Variants in GPSM1 observed in about 807,000 individuals in gnomAD.
GPSM1 encodes the protein G protein-signaling modulator 1.
In GPSM1, 48 loss-of-function variants were observed where a neutral mutation model predicts 70.5. That is an observed-to-expected ratio of 0.68 (90% CI 0.54 to 0.87). GPSM1 has a LOEUF of 0.87. GPSM1 is among the 40% of genes least tolerant of loss of function. The pLI is 0.00. For synonymous variants in GPSM1, 416 were observed against 430.1 expected, an observed-to-expected ratio of 0.97 and a Z score of 0.41; for missense variants, 981 against 972.6, an observed-to-expected ratio of 1.01 and a Z score of -0.11.
At chr9:136,335,097 G>A (rs914626144) in intron 2 of GPSM1, among the ~76,000 whole-genome samples, 3 of 152,178 alleles carry the variant, frequency 2.0e-5, no homozygotes, top group Admixed American at 6.5e-5. Flanking sequence ...TGTGACCCGC[G>A]TGCTGTGCGT....
chr9:136,338,006 G>T (rs782291012), intron 6 of GPSM1, 45 bp downstream of exon 6: 12 of 1,293,742 alleles, frequency 9.3e-6, no homozygotes, highest in South Asian at 3.9e-5. Context: ...AGGCCGGGGG[G>T]GCTGGATGCC....
At position 136,341,114 on chromosome 9, in the gene GPSM1, C is replaced by T. The variant is rs1028680290; in HGVS notation, c.1207+121C>T. 37 of 1,549,926 alleles carry T rather than the reference C, an allele frequency of 2.4e-5. No homozygotes were observed. The highest frequency in any genetic ancestry group is 7.3e-5 in the East Asian group (3 of 40,932). ...GGAGGTGGCAGCCGCCAGAAAATGG[C>T]GCCTACAAGCCAGTTCTTCTTGGCC... On this transcript the variant is annotated intron_variant, in intron 9 of 13. Coordinates refer to ENST00000440944, the MANE Select transcript of GPSM1 (RefSeq NM_001145638.3). The surrounding 1 kb of genome is among the most constrained non-coding windows in gnomAD (Gnocchi z 6.7).
intron 1 of GPSM1, among the ~76,000 whole-genome samples, chr9:136,329,723 AAC>A (rs1489988052): frequency 3.3e-5 from 5 of 152,158 alleles, no homozygotes; most frequent in Non-Finnish European, 7.4e-5. Flanking sequence ...GTGCCTGGAA[AAC>A]ACACTGACAG....
chr9:136,357,939 AACCACCGCTGCTGACCAGCCCCGG>A (rs1832881207), intron 13 of GPSM1, 51 bp from the exon 14 acceptor site: 2 of 1,206,886 alleles, frequency 1.7e-6, no homozygotes, highest in Admixed American at 1.8e-5. Flanking sequence ...TGGCCTCTGG[AACCACCGCTGCTGACCAGCCCCGG>A]ACCACTGGGG....
intron 1 of GPSM1, among the ~76,000 whole-genome samples, chr9:136,330,933 T>C (rs1280631739): frequency 1.3e-5 from 2 of 152,162 alleles, no homozygotes; most frequent in Admixed American, 6.5e-5. Context: ...ACAAATGGTC[T>C]GGCCTGAGTA....
In GPSM1 at chr9:136,356,665, G is replaced by C. The variant is rs992231502; in HGVS notation, c.1821+115G>C. ...CGCTGGTTCTGCCATCTCCGGTCAT[G>C]TTTGAGGGACTCCTGGGGGACTCAG... On this transcript the variant is annotated intron_variant, in intron 13 of 13. Coordinates refer to ENST00000440944, the MANE Select transcript of GPSM1 (RefSeq NM_001145638.3). 6.8e-6 allele frequency: 5 copies of C among 731,160 alleles called. No homozygotes were observed. The African/African-American group carries it at 7.1e-5, about 10-fold the overall frequency. 45.3% of individuals were successfully genotyped at this position (731,160 alleles called of 1,614,324 possible). A position where few individuals can be genotyped will look rare whatever the true frequency, so the allele number is the denominator to read the frequency against.
Position 136,343,991 on chromosome 9 carries a change from C to T in GPSM1, c.1207+2998C>T, listed in dbSNP as rs1198484584. On this transcript the variant is annotated intron_variant, in intron 9 of 13. Coordinates refer to ENST00000440944, the MANE Select transcript of GPSM1 (RefSeq NM_001145638.3). The surrounding 1 kb of genome is among the most constrained non-coding windows in gnomAD (Gnocchi z 6.0). ...CTGCTGCTTGGTCACCAGGCTCCTG[C>T]CGTGTGCCAGGCACTGCTGGGGCCC... Among the ~76,000 whole-genome samples the T allele has an allele frequency of 1.3e-5, 2 of 152,142 alleles. No homozygotes were observed. The highest frequency in any genetic ancestry group is 2.4e-5 in the African/African-American group (1 of 41,420).
At position 136,340,364 on chromosome 9, in the gene GPSM1, A is replaced by C. The variant is rs2131401051; in HGVS notation, c.1084-506A>C. 6.6e-6 allele frequency among the ~76,000 whole-genome samples: 1 copy of C among 152,160 alleles called. No homozygotes were observed. Among genetic ancestry groups the C allele is most frequent in the East Asian group, 1.9e-4 (1 of 5,144 alleles). On this transcript the variant is annotated intron_variant, in intron 8 of 13. Transcript: ENST00000440944. The surrounding 1 kb of genome is among the most constrained non-coding windows in gnomAD (Gnocchi z 7.3). The stretch of plus-strand genomic sequence containing the variant: ...CTGAAGAGCTTCACTGGCAGCCAGC[A>C]GGCAGCCCCCGTGTCCCTCTGAGTG...
chr9:136,335,915 A>G (rs782574324), intron 2 of GPSM1, 51 bp from the exon 3 acceptor site: 2 of 1,583,744 alleles, frequency 1.3e-6, no homozygotes, highest in South Asian at 2.3e-5. Context: ...CCCCGGGCCC[A>G]GAGGCCTGAC....
chr9:136,355,922 C>A, intron 12 of GPSM1, 76 bp downstream of exon 12: 1 of 1,293,948 alleles, frequency 7.7e-7, no homozygotes, highest in Non-Finnish European at 1.1e-6. Flanking sequence ...GTCCTGCTTC[C>A]AGTGAGGAGT....
intron 9 of GPSM1, among the ~76,000 whole-genome samples, chr9:136,344,866 CG>C (rs782197683): frequency 1.3e-5 from 2 of 152,320 alleles, no homozygotes; most frequent in South Asian, 4.1e-4. Flanking sequence ...CCCAATGGGG[CG>C]GGGCCCTCAG....
At position 136,341,145 on chromosome 9, in the gene GPSM1, G is replaced by A; in HGVS notation, c.1207+152G>A. ...CAAGCCAGTTCTTCTTGGCCTCAGG[G>A]ACAGCACAGGCCTGAGGTTCACCCT... On this transcript the variant is annotated intron_variant, in intron 9 of 13. Transcript: ENST00000440944. This position sits in a 1 kb window ranked among gnomAD's most constrained non-coding sequence, Gnocchi z 6.7. The A allele has an allele frequency of 1.3e-6, 2 of 1,550,070 alleles. No homozygotes were observed. The highest frequency in any genetic ancestry group is 1.4e-5 in the African/African-American group (1 of 73,142).
rs1211308390 is a variant in GPSM1 at position 136,355,724 on chromosome 9, G to T, written c.1490G>T (p.Cys497Phe). The change falls in exon 12 of 14, where the codon TGC (cysteine) becomes TTC (phenylalanine). Residue 497 changes from cysteine to phenylalanine, a missense_variant. Physicochemically the swap from Cys to Phe is radical, Grantham distance 205. Coordinates refer to ENST00000440944, the MANE Select transcript of GPSM1 (RefSeq NM_001145638.3). The part of the protein sequence containing the change: ...IPRAPSSDEE[C>F]FFDLLTKFQS... The stretch of plus-strand genomic sequence containing the variant: ...AGGGCCCCGTCTTCGGACGAGGAGT[G>T]CTTCTTTGACCTGTTGACCAAGTTC... 1 of 1,612,284 alleles carries T rather than the reference G, an allele frequency of 6.2e-7. No individual in the cohort carries two copies. The highest frequency in any genetic ancestry group is 1.3e-5 in the African/African-American group (1 of 74,878).
Position 136,327,762 on chromosome 9 carries a change from A to G in GPSM1, c.67A>G (p.Arg23Gly), listed in dbSNP as rs1397751361. The G allele has an allele frequency of 4.3e-6, 5 of 1,160,778 alleles. No individual in the cohort carries two copies. The African/African-American group carries it at 4.9e-5, about 11-fold the overall frequency. The allele number at this position is 1,160,778 out of a possible 1,614,324, so 71.9% of individuals were successfully genotyped here. ...PGPAARRLYS[R>G]MEASCLELAL... Reference sequence around the variant, plus strand: ...CCCGGCCGCCAGGCGCCTCTACTCCAGGTAGGACGGGCCGGGGCCGGGGCC... The same window carrying G: ...CCCGGCCGCCAGGCGCCTCTACTCCGGGTAGGACGGGCCGGGGCCGGGGCC... The change falls in exon 1 of 14, where the codon AGG (arginine) becomes GGG (glycine). Residue 23 changes from arginine to glycine, a missense_variant and splice_region_variant. Physicochemically the swap from Arg to Gly is moderately radical, Grantham distance 125. Transcript: ENST00000440944.
chr9:136,355,704 C>A lies in GPSM1; in HGVS notation c.1470C>A (p.Ala490=), dbSNP rs1399892811. The change falls in exon 12 of 14, where the codon GCC becomes GCA. Residue 490 remains alanine (A), a synonymous_variant. Transcript: ENST00000440944. ...TCCCTCCCCAGAGCATCCCGAGGGC[C>A]CCGTCTTCGGACGAGGAGTGCTTCT... is the stretch of plus-strand genomic sequence containing the variant. The part of the protein sequence containing the change: ...VHVPRTSIPR[A]PSSDEECFFD... 1 of 1,612,214 alleles carries A rather than the reference C, an allele frequency of 6.2e-7. No homozygotes were observed. Among genetic ancestry groups the A allele is most frequent in the African/African-American group, 1.3e-5 (1 of 74,996 alleles).
rs782671048 is a variant in GPSM1 at position 136,356,413 on chromosome 9, C to G, written c.1684C>G (p.Arg562Gly). 2.5e-6 allele frequency: 4 copies of G among 1,610,040 alleles called. No homozygotes were observed. The highest frequency in any genetic ancestry group is 3.4e-6 in the Non-Finnish European group (4 of 1,178,416). Residue 562 changes from arginine to glycine, a missense_variant, in exon 13 of 14, where the codon CGG (arginine) becomes GGG (glycine). By Grantham distance (125) the Arg-to-Gly change is moderately radical. Transcript: ENST00000440944. ...CCTCATCGCCAGCTCCCAGAGCCGC[C>G]GGCTGGACGACCAGCGGGCCAGCGT... ...FDLIASSQSR[R>G]LDDQRASVGS...
intron 12 of GPSM1, 101 bp downstream of exon 12, chr9:136,355,947 C>A: frequency 2.1e-6 from 2 of 956,374 alleles, no homozygotes; most frequent in Non-Finnish European, 3.1e-6. Context: ...GGGGGCAGAC[C>A]AGCAGGCCAG....
rs782378879 is a variant in GPSM1 at position 136,349,667 on chromosome 9, G to T, written c.1359G>T (p.Arg453Ser). ...RDSLPLPVRS[R>S]KYQEGPDAER... is the part of the protein sequence containing the mutation. Reference sequence around the variant, plus strand: ...CGCTACCCCTCCCCGTGAGGAGCAGGAAGTACCAGGAAGGCCCGGACGCTG... The same window carrying T: ...CGCTACCCCTCCCCGTGAGGAGCAGTAAGTACCAGGAAGGCCCGGACGCTG... The change falls in exon 11 of 14, where the codon AGG (arginine) becomes AGT (serine). Residue 453 changes from arginine (R) to serine (S), a missense_variant. Arg to Ser is a moderately radical substitution (Grantham distance 110). Coordinates refer to ENST00000440944, the MANE Select transcript of GPSM1 (RefSeq NM_001145638.3). The T allele has an allele frequency of 1.4e-4, 212 of 1,553,072 alleles. No individual in the cohort carries two copies. The highest frequency in any genetic ancestry group is 1.8e-4 in the Non-Finnish European group (203 of 1,148,288).
rs1363314680 is a variant in GPSM1, at chr9:136,358,467, C to G, written c.*247C>G. 1 of 556,514 alleles carries G rather than the reference C, an allele frequency of 1.8e-6. No homozygotes were observed. Among genetic ancestry groups the G allele is most frequent in the Admixed American group, 3.6e-5 (1 of 27,578 alleles). 34.5% of individuals were successfully genotyped at this position (556,514 alleles called of 1,614,324 possible). ...GCCCCTGCCGCAGGCCGGACGGGGCCTTCGGCATGTCGGCCCCGACCTGGT... is the reference window on the plus strand; with the variant it reads ...GCCCCTGCCGCAGGCCGGACGGGGCGTTCGGCATGTCGGCCCCGACCTGGT... On this transcript the variant is annotated 3_prime_UTR_variant, in exon 14 of 14. Coordinates refer to ENST00000440944, the MANE Select transcript of GPSM1 (RefSeq NM_001145638.3).
Sources: gnomAD v4.1 joint callset for allele counts (sites outside exome capture counted in the v4.1 genomes callset) on GRCh38, gnomAD v4.1.1 for gene constraint, Gnocchi (gnomAD v3.1) non-coding constraint, MANE v1.5 for transcripts, NCBI Gene and HGNC (gene_info 2026-07-23, HGNC 2026-07-21) for gene names.